DYM: variants seen among roughly 807,000 people sequenced by gnomAD.
DYM encodes the protein dyggve-Melchior-Clausen syndrome protein.
In DYM, 78 loss-of-function variants were observed where a neutral mutation model predicts 93.1. The observed-to-expected ratio is 0.84, with a 90% CI of 0.70 to 1.01. The LOEUF is 1.01. Among genes scored for constraint, DYM ranks in the 50% least tolerant of loss-of-function variants. The probability of loss-of-function intolerance (pLI) is 0.00; values close to 1 mark genes in which losing one functional copy is unlikely to be tolerated. For synonymous variants in DYM, 321 were observed against 319.7 expected (o/e 1.00, Z -0.04); for missense variants, 789 against 845.0 (o/e 0.93, Z 0.82).
intron 2 of DYM, among the ~76,000 whole-genome samples, chr18:49,410,800 T>A (rs1196616907): frequency 6.6e-6 from 1 of 152,070 alleles, no homozygotes; most frequent in African/African-American, 2.4e-5. Flanking sequence ...AAATTAAAAT[T>A]AAACAAATTG....
chr18:49,292,116 T>C (rs1454306165), intron 8 of DYM, among the ~76,000 whole-genome samples: 2 of 152,166 alleles, frequency 1.3e-5, no homozygotes, highest in African/African-American at 4.8e-5. Flanking sequence ...TCTTTATTGC[T>C]AGTAGAAATG....
At chr18:49,369,467 T>C (rs1033278158) in intron 5 of DYM, among the ~76,000 whole-genome samples, 67 of 152,326 alleles carry the variant, frequency 4.4e-4, no homozygotes, top group East Asian at 1.9e-4. Flanking sequence ...CCTAAGACTT[T>C]CCAGGGTTCT....
intron 14 of DYM, among the ~76,000 whole-genome samples, chr18:49,187,986 A>C (rs1260798476): frequency 2.0e-5 from 3 of 152,194 alleles, no homozygotes; most frequent in East Asian, 1.9e-4. Context: ...CAACTTATTG[A>C]TTCTTTTTCA....
intron 14 of DYM, among the ~76,000 whole-genome samples, chr18:49,176,690 T>A (rs1311029862): frequency 1.3e-5 from 2 of 151,372 alleles, no homozygotes; most frequent in Non-Finnish European, 2.9e-5. Flanking sequence ...GCTGGGATTA[T>A]AGGTGTGAGC....
At chr18:49,107,342 T>C (rs978606357) in intron 16 of DYM, among the ~76,000 whole-genome samples, 3 of 152,224 alleles carry the variant, frequency 2.0e-5, no homozygotes, top group Non-Finnish European at 4.4e-5. Flanking sequence ...TTCTTTGCCA[T>C]GGGTTCAAAC....
rs1164377165 is a variant in DYM at position 49,423,346 on chromosome 18, C to A, written c.140+6909G>T. On this transcript the variant is annotated intron_variant, in intron 2 of 17. Transcript: ENST00000675505. ...AAATAAAGATGTTCTTTGAAACCAA[C>A]GAGAACAAAGACACAACATACCAGA... is the stretch of plus-strand genomic sequence containing the variant. 7.9e-5 allele frequency among the ~76,000 whole-genome samples: 12 copies of A among 152,046 alleles called. No individual in the cohort carries two copies. The South Asian group carries it at 8.3e-4, about 11-fold the overall frequency.
At chr18:49,141,377 T>C (rs991006003) in intron 15 of DYM, among the ~76,000 whole-genome samples, 2 of 152,180 alleles carry the variant, frequency 1.3e-5, no homozygotes, top group African/African-American at 2.4e-5. Flanking sequence ...GAACTATGGC[T>C]AACCTCCAAA....
intron 17 of DYM, among the ~76,000 whole-genome samples, chr18:49,085,466 T>A (rs749998458): frequency 2.0e-5 from 3 of 152,148 alleles, no homozygotes; most frequent in Non-Finnish European, 4.4e-5. Flanking sequence ...AAGTAGAACA[T>A]GCTGGGAGTG....
At chr18:49,331,750 T>G in intron 8 of DYM, 114 bp downstream of exon 8, 1 of 1,146,614 alleles carries the variant, frequency 8.7e-7, no homozygotes, top group Non-Finnish European at 1.3e-6. Context: ...TTGAACCAGC[T>G]GCACAAATTC....
chr18:49,423,018 T>C (rs1308832892), intron 2 of DYM, among the ~76,000 whole-genome samples: 2 of 152,198 alleles, frequency 1.3e-5, no homozygotes, highest in African/African-American at 4.8e-5. Context: ...ATCCAGGAAT[T>C]GAACTCAGCT....
At position 49,152,418 on chromosome 18, in the gene DYM, C is replaced by T. The variant is rs1007804556; in HGVS notation, c.1728+11267G>A. On this transcript the variant is annotated intron_variant, in intron 15 of 17. Transcript: ENST00000675505. ...TCCTAGCCAAGTTAGAACACAAGCA[C>T]GAAAATTGGTTGTCTTATGTCAAAG... Among the ~76,000 whole-genome samples, 5 of 152,142 alleles carry T rather than the reference C, an allele frequency of 3.3e-5. No individual in the cohort carries two copies. In the South Asian group the frequency reaches 8.3e-4, roughly 25 times the overall value.
chr18:49,064,853 A>T (rs1027851202), intron 17 of DYM, among the ~76,000 whole-genome samples: 6 of 151,142 alleles, frequency 4.0e-5, no homozygotes, highest in African/African-American at 1.5e-4. Flanking sequence ...CTGTTTTGGA[A>T]TTCAACCTCT....
intron 17 of DYM, among the ~76,000 whole-genome samples, chr18:49,057,107 G>T (rs1389672265): frequency 6.6e-6 from 1 of 152,190 alleles, no homozygotes; most frequent in Non-Finnish European, 1.5e-5. Context: ...GTCTTGATCT[G>T]GCCTTGGGCA....
At chr18:49,115,735 A>AT (rs1386842511) in intron 16 of DYM, among the ~76,000 whole-genome samples, 1 of 152,242 alleles carries the variant, frequency 6.6e-6, no homozygotes, top group African/African-American at 2.4e-5. Context: ...TAATAAACAA[A>AT]TGTAAGAAAA....
At chr18:49,175,192 G>T (rs1344735568) in intron 14 of DYM, among the ~76,000 whole-genome samples, 2 of 152,156 alleles carry the variant, frequency 1.3e-5, no homozygotes, top group African/African-American at 4.8e-5. Context: ...GGCCTTGATT[G>T]TAGATCCTTG....
At chr18:49,417,199 G>T (rs944233746) in intron 2 of DYM, among the ~76,000 whole-genome samples, 18 of 151,960 alleles carry the variant, frequency 1.2e-4, no homozygotes, top group Non-Finnish European at 2.5e-4. Context: ...CCAGGCTGGC[G>T]AAAGCATTGG....
intron 10 of DYM, among the ~76,000 whole-genome samples, chr18:49,280,794 C>T (rs1441813596): frequency 6.6e-6 from 1 of 152,078 alleles, no homozygotes; most frequent in African/African-American, 2.4e-5. Flanking sequence ...AGTTTTTCTC[C>T]AAAATATTAT....
intron 2 of DYM, among the ~76,000 whole-genome samples, chr18:49,414,837 G>T (rs1568403773): frequency 6.6e-6 from 1 of 151,980 alleles, no homozygotes; most frequent in Non-Finnish European, 1.5e-5. Flanking sequence ...ATATTTATTT[G>T]TTCACTTGTT....
chr18:49,364,339 G>A (rs1361434711), intron 5 of DYM, among the ~76,000 whole-genome samples: 2 of 152,076 alleles, frequency 1.3e-5, no homozygotes, highest in African/African-American at 4.8e-5. Context: ...CAGCTACTCA[G>A]GAGGCAGAGA....
Sources: allele counts gnomAD v4.1 joint callset (sites outside exome capture counted in the v4.1 genomes callset), GRCh38; gene constraint gnomAD v4.1.1; transcripts MANE v1.5; gene names NCBI Gene and HGNC (gene_info 2026-07-23, HGNC 2026-07-21).